The following LRP5 variants were observed in gnomAD, a reference collection of about 807,000 sequenced individuals.
LRP5 encodes low-density lipoprotein receptor-related protein 5.
LRP5 carries 62 observed loss-of-function variants against 154.1 expected under a neutral mutation model. The ratio of observed to expected loss-of-function variants is 0.40; its 90% CI spans 0.33 to 0.50. The LOEUF is 0.50. Among genes scored for constraint, LRP5 ranks in the 20% least tolerant of loss-of-function variants. LRP5 has a pLI of 0.55. For synonymous variants in LRP5, 966 were observed against 1,011.5 expected (o/e 0.96, Z 0.85); for missense variants, 1,915 against 2,336.7 (o/e 0.82, Z 3.72).
rs571921823 is a variant in LRP5 at position 68,399,736 on chromosome 11, C to T, written c.1585-3747C>T. 2.4e-3 allele frequency among the ~76,000 whole-genome samples: 360 copies of T among 152,380 alleles called. 3 individuals carry two copies. The highest frequency in any genetic ancestry group is 8.2e-3 in the African/African-American group (341 of 41,594). On this transcript the variant is annotated intron_variant, in intron 7 of 22. Coordinates refer to ENST00000294304, the MANE Select transcript of LRP5 (RefSeq NM_002335.4). The stretch of plus-strand genomic sequence containing the variant: ...TGGCTCCAGGAAAGGCAGAGGCCTC[C>T]TGAGTCGGCCCAGAGGGAACCTGCC...
rs773665226 is a variant in LRP5, at chr11:68,365,651, G to T, written c.964G>T (p.Ala322Ser). The T allele has an allele frequency of 6.3e-7, 1 of 1,597,720 alleles. No homozygotes were observed. Among genetic ancestry groups the T allele is most frequent in the Non-Finnish European group, 8.5e-7 (1 of 1,170,842 alleles). ...CCCAAGCGAGCCTTTCTACACATGC[G>T]CCTGCCCCACGGGTGTGCAGCTGCA... ...LSPSEPFYTC[A>S]CPTGVQLQDN... is the part of the protein sequence containing the mutation. The change falls in exon 5 of 23, where the codon GCC (alanine) becomes TCC (serine). Residue 322 changes from alanine to serine, a missense_variant. Ala to Ser is a moderately conservative substitution (Grantham distance 99). This residue lies in a region of LRP5 where 773 missense variants were observed against 1,100.9 expected (regional missense o/e 0.70). Transcript: ENST00000294304.
chr11:68,390,509 G>T (rs1283003438), intron 7 of LRP5, among the ~76,000 whole-genome samples: 2 of 152,284 alleles, frequency 1.3e-5, no homozygotes, highest in Non-Finnish European at 2.9e-5. Flanking sequence ...CTGCTGGCCT[G>T]AGTTTGGTGA....
At chr11:68,385,906 G>A (rs1041390023) in intron 5 of LRP5, among the ~76,000 whole-genome samples, 10 of 152,148 alleles carry the variant, frequency 6.6e-5, no homozygotes, top group African/African-American at 2.2e-4. Context: ...AGCATGGCCA[G>A]CAGCTGGGTC....
the LRP5 span, among the ~76,000 whole-genome samples, chr11:68,305,439 T>C: frequency 2.0e-5 from 3 of 151,880 alleles, no homozygotes; most frequent in African/African-American, 7.3e-5. Context: ...CTCAGGTGTT[T>C]ATTTGTTTTT....
chr11:68,315,090 T>C (rs1203411951), intron 1 of LRP5, among the ~76,000 whole-genome samples: 7 of 151,960 alleles, frequency 4.6e-5, no homozygotes. Flanking sequence ...GCAGGGCTGA[T>C]GGGGGTGGAG....
chr11:68,367,493 GC>G (rs2098631743), intron 5 of LRP5, among the ~76,000 whole-genome samples: 1 of 152,220 alleles, frequency 6.6e-6, no homozygotes, highest in African/African-American at 2.4e-5. Flanking sequence ...GGGTGCCTCG[GC>G]TGCACAAGCC....
At chr11:68,446,087 G>A (rs1204445339) in intron 21 of LRP5, among the ~76,000 whole-genome samples, 3 of 152,236 alleles carry the variant, frequency 2.0e-5, no homozygotes, top group Admixed American at 6.5e-5. Flanking sequence ...CTCAGGGCCT[G>A]TGGGGACATC....
intron 13 of LRP5, among the ~76,000 whole-genome samples, chr11:68,419,627 C>T (rs1337321594): frequency 2.0e-5 from 3 of 151,654 alleles, no homozygotes; most frequent in Non-Finnish European, 2.9e-5. Flanking sequence ...GCAACCTCTG[C>T]CTCCCAGGTT....
chr11:68,425,318 C>A, intron 15 of LRP5, 26 bp downstream of exon 15: 1 of 1,588,778 alleles, frequency 6.3e-7, no homozygotes, highest in Middle Eastern at 2.2e-4. Context: ...CCTGCCCTAA[C>A]CGCAGACACC....
chr11:68,322,758 A>C (rs1246840267), intron 1 of LRP5, among the ~76,000 whole-genome samples: 3 of 152,362 alleles, frequency 2.0e-5, no homozygotes, highest in Admixed American at 1.3e-4. Context: ...ATTCTGCTGG[A>C]GCATGAGCTC....
chr11:68,373,654 C>T (rs1215811634), intron 5 of LRP5, among the ~76,000 whole-genome samples: 8 of 152,224 alleles, frequency 5.3e-5, no homozygotes, highest in South Asian at 4.1e-4. Flanking sequence ...CCTGGGCCTC[C>T]GGCCTCCCCA....
intron 5 of LRP5, among the ~76,000 whole-genome samples, chr11:68,376,204 CAG>C (rs1242706294): frequency 1.6e-5 from 2 of 126,428 alleles, no homozygotes; most frequent in African/African-American, 5.9e-5. Context: ...TTAATTGAGA[CAG>C]AGTCTCTCTC....
Position 68,386,740 on chromosome 11 carries a change from A to G in LRP5, c.1412+28A>G, listed in dbSNP as rs764562194. ...AAGACGGGCGGGGGCTGGGGCCTGG[A>G]GCCAGGGCCAGGCCAAGCACAGGCG... On this transcript the variant is annotated intron_variant, in intron 6 of 22. Transcript: ENST00000294304. This position sits in a 1 kb window ranked among gnomAD's most constrained non-coding sequence, Gnocchi z 7.9. 6.2e-7 allele frequency: 1 copy of G among 1,604,480 alleles called. No individual in the cohort carries two copies. Among genetic ancestry groups the G allele is most frequent in the Non-Finnish European group, 8.5e-7 (1 of 1,175,340 alleles).
chr11:68,336,322 A>G (rs148197662), intron 1 of LRP5, among the ~76,000 whole-genome samples: 1 of 152,332 alleles, frequency 6.6e-6, no homozygotes, highest in Non-Finnish European at 1.5e-5. Context: ...GAACGTCAAA[A>G]TGTTGTGTAC....
chr11:68,318,255 C>T (rs1409855003), intron 1 of LRP5, among the ~76,000 whole-genome samples: 4 of 151,664 alleles, frequency 2.6e-5, no homozygotes, highest in East Asian at 1.9e-4. Context: ...GGGGTTTCAC[C>T]GTGTTAGCCA....
chr11:68,447,992 A>G lies in LRP5; in HGVS notation c.4587-817A>G, dbSNP rs1311395681. 1.3e-5 allele frequency among the ~76,000 whole-genome samples: 2 copies of G among 152,084 alleles called. No homozygotes were observed. The highest frequency in any genetic ancestry group is 4.8e-5 in the African/African-American group (2 of 41,396). ...GTTCTCACGCTGCTAATAAAGACAT[A>G]CCCAAGACTGGGTAATTGTAAAGGA... On this transcript the variant is annotated intron_variant, in intron 22 of 22. Coordinates refer to ENST00000294304, the MANE Select transcript of LRP5 (RefSeq NM_002335.4). This position sits in a 1 kb window ranked among gnomAD's most constrained non-coding sequence, Gnocchi z 4.3.
At position 68,414,048 on chromosome 11, in the gene LRP5, C is replaced by T. The variant is rs779029619; in HGVS notation, c.2827+36C>T. On this transcript the variant is annotated intron_variant, in intron 12 of 22. Transcript: ENST00000294304. ...CATGGTCCCCCGCACCTCACTCCCT[C>T]GTTAGATCAGGCTGGTTCTGGGAGC... 30 of 1,577,252 alleles carry T rather than the reference C, an allele frequency of 1.9e-5. No homozygotes were observed. The Admixed American group carries it at 2.6e-4, about 13-fold the overall frequency.
intron 7 of LRP5, among the ~76,000 whole-genome samples, chr11:68,394,620 C>T (rs969306996): frequency 5.3e-5 from 8 of 152,186 alleles, no homozygotes; most frequent in Non-Finnish European, 8.8e-5. Context: ...CGCCTGCCAC[C>T]GCGCCCGGCT....
At chr11:68,370,957 C>T (rs868575886) in intron 5 of LRP5, among the ~76,000 whole-genome samples, 1 of 152,238 alleles carries the variant, frequency 6.6e-6, no homozygotes, top group African/African-American at 2.4e-5. Flanking sequence ...TGCATGAGGA[C>T]GTGAGCGTTT....
Sources: allele counts gnomAD v4.1 joint callset (sites outside exome capture counted in the v4.1 genomes callset), GRCh38; gene constraint gnomAD v4.1.1; regional missense constraint gnomAD v4.1.1; non-coding constraint Gnocchi (gnomAD v3.1); transcripts MANE v1.5; gene names NCBI Gene and HGNC (gene_info 2026-07-23, HGNC 2026-07-21).